MYO16: variants seen among roughly 807,000 people sequenced by gnomAD.
MYO16 encodes the protein unconventional myosin-XVI.
MYO16 carries 94 observed loss-of-function variants against 205.3 expected under a neutral mutation model. The observed-to-expected ratio is 0.46, with a 90% CI of 0.39 to 0.54. The LOEUF (loss-of-function observed/expected upper bound fraction) is 0.54, where lower values mean the gene tolerates loss of function less well. MYO16 is among the 20% of genes least tolerant of loss of function. The pLI is 0.00. For missense variants in MYO16, 2,315 were observed against 2,387.5 expected, an observed-to-expected ratio of 0.97 and a Z score of 0.63; for synonymous variants, 988 against 954.0, an observed-to-expected ratio of 1.04 and a Z score of -0.66.
the MYO16 span, among the ~76,000 whole-genome samples, chr13:108,588,893 G>A: frequency 6.6e-6 from 1 of 152,006 alleles, no homozygotes; most frequent in African/African-American, 2.4e-5. Flanking sequence ...CCGAGATTTG[G>A]GGGCTGATTT....
intron 1 of MYO16, among the ~76,000 whole-genome samples, chr13:108,646,393 C>T (rs1414233272): frequency 6.6e-6 from 1 of 152,062 alleles, no homozygotes; most frequent in Non-Finnish European, 1.5e-5. Context: ...TCAAACTCAG[C>T]TATGAAATTG....
At chr13:108,792,847 C>T (rs1566332033) in intron 5 of MYO16, among the ~76,000 whole-genome samples, 1 of 151,962 alleles carries the variant, frequency 6.6e-6, no homozygotes, top group Non-Finnish European at 1.5e-5. Flanking sequence ...TACTAGATTG[C>T]TTTTAGGAGC....
At chr13:108,673,864 C>T (rs1882094469) in intron 2 of MYO16, among the ~76,000 whole-genome samples, 2 of 145,382 alleles carry the variant, frequency 1.4e-5, no homozygotes, top group Middle Eastern at 3.5e-3. Flanking sequence ...CCAAAACTTC[C>T]TCTGTGATTC....
At chr13:108,983,887 A>G (rs1884537874) in intron 20 of MYO16, among the ~76,000 whole-genome samples, 1 of 152,202 alleles carries the variant, frequency 6.6e-6, no homozygotes, top group Non-Finnish European at 1.5e-5. Flanking sequence ...TCTCATTAGT[A>G]AAAGTTGACC....
intron 20 of MYO16, among the ~76,000 whole-genome samples, chr13:108,986,560 TGTG>T (rs1377764499): frequency 6.8e-6 from 1 of 147,560 alleles, no homozygotes; most frequent in East Asian, 2.0e-4. Context: ...AGGCGGAGGT[TGTG>T]GTGAGCCGAG....
At chr13:108,568,761 C>A in the MYO16 span, among the ~76,000 whole-genome samples, 1 of 151,722 alleles carries the variant, frequency 6.6e-6, no homozygotes, top group East Asian at 1.9e-4. Flanking sequence ...ATCTAAAAAA[C>A]CGTTTCCTAA....
rs567924514 is a variant in MYO16, at chr13:108,690,622, T to G, written c.293-22039T>G. On this transcript the variant is annotated intron_variant, in intron 2 of 34. Coordinates refer to ENST00000457511, the MANE Select transcript of MYO16 (RefSeq NM_001198950.3). ...TTTATTTATTTTACTTAAATTTCTG[T>G]TTTAAAGTTGGCAGTGAATCTAATA... 2.4e-3 allele frequency among the ~76,000 whole-genome samples: 365 copies of G among 152,212 alleles called. 5 individuals carry two copies. The South Asian group carries it at 0.033, about 14-fold the overall frequency.
intron 23 of MYO16, among the ~76,000 whole-genome samples, chr13:109,023,477 T>C (rs1305395089): frequency 9.3e-6 from 1 of 107,708 alleles, no homozygotes; most frequent in Non-Finnish European, 1.7e-5. Context: ...TATACAGATA[T>C]AAATATATAT....
At chr13:108,675,101 AG>A (rs1882145007) in intron 2 of MYO16, among the ~76,000 whole-genome samples, 1 of 152,172 alleles carries the variant, frequency 6.6e-6, no homozygotes, top group Admixed American at 6.6e-5. Context: ...TTAGCACAGG[AG>A]GGGAAGGATG....
intron 16 of MYO16, among the ~76,000 whole-genome samples, chr13:108,953,600 A>G (rs780873193): frequency 6.6e-6 from 1 of 151,246 alleles, no homozygotes; most frequent in East Asian, 1.9e-4. Context: ...GTCAAATATT[A>G]CTTAAATATG....
chr13:108,564,006 T>C, the MYO16 span, among the ~76,000 whole-genome samples: 1 of 152,178 alleles, frequency 6.6e-6, no homozygotes, highest in South Asian at 2.1e-4. Flanking sequence ...CCAGCATTTG[T>C]TATTACCTGT....
In MYO16 at chr13:109,004,557, C is replaced by A. The variant is rs545973952; in HGVS notation, c.2443-4340C>A. On this transcript the variant is annotated intron_variant, in intron 21 of 34. Coordinates refer to ENST00000457511, the MANE Select transcript of MYO16 (RefSeq NM_001198950.3). ...ATGAAAGTGACAAGTAGATGTACTG[C>A]TTGAACAGTAGGGATGCCATTGTGG... Among the ~76,000 whole-genome samples the A allele has an allele frequency of 9.2e-4, 140 of 152,160 alleles. 4 individuals carry two copies. In the South Asian group the frequency reaches 0.028, roughly 30 times the overall value.
At chr13:108,671,922 A>G (rs1355837587) in intron 2 of MYO16, among the ~76,000 whole-genome samples, 1 of 152,110 alleles carries the variant, frequency 6.6e-6, no homozygotes, top group Non-Finnish European at 1.5e-5. Flanking sequence ...CCATCACATG[A>G]GGGTTAGGGC....
intron 1 of MYO16, among the ~76,000 whole-genome samples, chr13:108,653,868 A>G (rs1380591347): frequency 6.6e-6 from 1 of 152,048 alleles, no homozygotes; most frequent in African/African-American, 2.4e-5. Flanking sequence ...TCAGGTGCAC[A>G]TTCCTATGTA....
At chr13:108,873,312 T>G (rs1386781321) in intron 12 of MYO16, among the ~76,000 whole-genome samples, 2 of 152,246 alleles carry the variant, frequency 1.3e-5, no homozygotes, top group Non-Finnish European at 2.9e-5. Context: ...AAAAAGAAAT[T>G]CACATATAAC....
intron 1 of MYO16, among the ~76,000 whole-genome samples, chr13:108,598,673 T>A (rs1878648796): frequency 6.6e-6 from 1 of 152,170 alleles, no homozygotes. Context: ...GTTGAATTCT[T>A]ATGTGATTTG....
intron 4 of MYO16, chr13:108,780,017 A>G (rs1056059029): frequency 6.6e-6 from 1 of 152,240 alleles, no homozygotes; most frequent in Admixed American, 6.5e-5. Context: ...CATAAATTGC[A>G]GAAATGCTTC....
chr13:108,504,084 A>G, the MYO16 span, among the ~76,000 whole-genome samples: 1 of 152,044 alleles, frequency 6.6e-6, no homozygotes, highest in Non-Finnish European at 1.5e-5. Flanking sequence ...CTATGTGGGC[A>G]TTGTTGAGCT....
chr13:108,997,979 A>G (rs531892330), intron 21 of MYO16, among the ~76,000 whole-genome samples: 2 of 152,330 alleles, frequency 1.3e-5, no homozygotes, highest in South Asian at 2.1e-4. Flanking sequence ...TTTACTGGAC[A>G]CTTCAGATGA....
Sources: gnomAD v4.1 joint callset for allele counts (sites outside exome capture counted in the v4.1 genomes callset) on GRCh38, gnomAD v4.1.1 for gene constraint, MANE v1.5 for transcripts, NCBI Gene and HGNC (gene_info 2026-07-23, HGNC 2026-07-21) for gene names.